Variants in ARMCX4 observed in about 807,000 individuals in gnomAD.
ARMCX4 encodes armadillo repeat-containing X-linked protein 4.
In ARMCX4, 3 loss-of-function variants were observed where a neutral mutation model predicts 34.7. The ratio of observed to expected loss-of-function variants is 0.09; its 90% CI spans 0.04 to 0.22. The LOEUF (loss-of-function observed/expected upper bound fraction) is 0.22. Among genes scored for constraint, ARMCX4 ranks in the 10% least tolerant of loss-of-function variants. The pLI is 1.00. For synonymous variants in ARMCX4, 513 were observed against 632.8 expected (o/e 0.81, Z 2.84); for missense variants, 1,448 against 1,720.8 (o/e 0.84, Z 2.81).
At chrX:101,529,626 C>T (rs1481199321) in intron 11 of ARMCX4, among the ~76,000 whole-genome samples, 3 of 111,994 alleles carry the variant, frequency 2.7e-5, no homozygotes, top group Non-Finnish European at 5.6e-5. Context: ...AGAACTTAAA[C>T]AAATTTACAA....
chrX:101,460,030 T>A (rs1417430879), intron 4 of ARMCX4, among the ~76,000 whole-genome samples: 1 of 112,783 alleles, frequency 8.9e-6, no homozygotes, highest in East Asian at 2.8e-4. Flanking sequence ...TCCCAGGTAA[T>A]GCTGATGCTA....
chrX:101,429,771 C>T (rs782536420), intron 2 of ARMCX4, among the ~76,000 whole-genome samples: 1 of 111,672 alleles, frequency 9.0e-6, no homozygotes, highest in African/African-American at 3.2e-5. Context: ...TGACATCTAG[C>T]CCTGCTCCAT....
chrX:101,484,402 G>A (rs1395108712), upstream of ARMCX4, among the ~76,000 whole-genome samples: 3 of 112,175 alleles, frequency 2.7e-5, no homozygotes, highest in African/African-American at 9.7e-5. Context: ...ACATGCTTAT[G>A]TAAAATCCAA....
At chrX:101,534,155 A>G (rs1476406224), downstream of ARMCX4, among the ~76,000 whole-genome samples, 1 of 112,135 alleles carries the variant, frequency 8.9e-6, no homozygotes, top group Admixed American at 9.5e-5. Flanking sequence ...TTCAGTAAAT[A>G]TGGATTGATA....
intron 4 of ARMCX4, among the ~76,000 whole-genome samples, chrX:101,465,255 G>A (rs963591829): frequency 9.0e-6 from 1 of 110,979 alleles, no homozygotes; most frequent in South Asian, 3.8e-4. Flanking sequence ...CACAAAATCA[G>A]AATGTATTAA....
At chrX:101,459,217 C>T (rs919812713) in intron 4 of ARMCX4, among the ~76,000 whole-genome samples, 2 of 112,202 alleles carry the variant, frequency 1.8e-5, no homozygotes, top group African/African-American at 3.2e-5. Flanking sequence ...TATCCTTTTA[C>T]TTTGCCTTTT....
At chrX:101,523,177 C>A (rs1194994669) in intron 11 of ARMCX4, among the ~76,000 whole-genome samples, 1 of 111,785 alleles carries the variant, frequency 8.9e-6, no homozygotes, top group Non-Finnish European at 1.9e-5. Flanking sequence ...AACTTCTGAG[C>A]AAATACTGAC....
In ARMCX4 at chrX:101,488,754, C is replaced by T. The variant is rs940661052; in HGVS notation, c.165C>T (p.Ser55=). The change falls in exon 6 of 6, where the codon AGC becomes AGT. Residue 55 remains serine, a synonymous_variant. Transcript: ENST00000423738. ...TGGAGACTGTGGTTGGGGTACAGAG[C>T]CAGACCTTGGCCATAAATGAAGCAG... ...VKMETVVGVQ[S]QTLAINEAEI... 1 of 1,155,512 alleles carries T rather than the reference C, an allele frequency of 8.7e-7. No homozygotes were observed. Among genetic ancestry groups the T allele is most frequent in the Non-Finnish European group, 1.1e-6 (1 of 872,502 alleles).
At chrX:101,447,072 T>C (rs1013858908), downstream of ARMCX4, among the ~76,000 whole-genome samples, 8 of 112,005 alleles carry the variant, frequency 7.1e-5, no homozygotes, top group Non-Finnish European at 1.5e-4. Flanking sequence ...ATCATGTGGG[T>C]CTCTTTACAG....
At chrX:101,462,832 C>A (rs1469827948) in intron 4 of ARMCX4, among the ~76,000 whole-genome samples, 1 of 111,217 alleles carries the variant, frequency 9.0e-6, no homozygotes, top group East Asian at 2.8e-4. Flanking sequence ...AACTTCTTCA[C>A]CCCAAATAAT....
rs782407203 is a variant in ARMCX4 at position 101,423,662 on chromosome X, T to A, written n.164+4662T>A. On this transcript the variant is annotated intron_variant and non_coding_transcript_variant, in intron 2 of 3. Transcript: ENST00000430461. ...TAAAAATAAAAAAGTATCTTTTGCA[T>A]GCTAATGAGATAACTGGTGGCTGAG... is the stretch of plus-strand genomic sequence containing the variant. Among the ~76,000 whole-genome samples, 3 of 110,267 alleles carry A rather than the reference T, an allele frequency of 2.7e-5. No individual in the cohort carries two copies. The South Asian group carries it at 1.2e-3, about 43-fold the overall frequency.
At chrX:101,466,259 T>G (rs1034205479) in intron 4 of ARMCX4, among the ~76,000 whole-genome samples, 4 of 112,172 alleles carry the variant, frequency 3.6e-5, no homozygotes, top group African/African-American at 6.5e-5. Flanking sequence ...CATGTCAGAA[T>G]TGGAGCAACT....
Position 101,493,253 on chromosome X carries a change from G to A in ARMCX4, c.4664G>A (p.Ser1555Asn). The A allele has an allele frequency of 8.7e-7, 1 of 1,154,357 alleles. No homozygotes were observed. Residue 1555 changes from serine (S) to asparagine (N), a missense_variant, in exon 6 of 6, where the codon AGT becomes AAT. Transcript: ENST00000423738. ...GSWDSPGSQV[S>N]GSCWTGAGAV... ...TGGGATAGCCCTGGGAGTCAGGTCAGTGGAAGCTGCTGGACTGGGGCTGGG... is the reference window on the plus strand; with the variant it reads ...TGGGATAGCCCTGGGAGTCAGGTCAATGGAAGCTGCTGGACTGGGGCTGGG...
intron 2 of ARMCX4, among the ~76,000 whole-genome samples, chrX:101,435,433 CTT>C (rs1199677887): frequency 1.8e-5 from 2 of 111,416 alleles, no homozygotes; most frequent in Admixed American, 9.6e-5. Context: ...GCATAAATGT[CTT>C]CTTTTGAGAA....
At chrX:101,475,766 C>T (rs1478288902) in intron 4 of ARMCX4, among the ~76,000 whole-genome samples, 2 of 111,372 alleles carry the variant, frequency 1.8e-5, no homozygotes, top group South Asian at 3.8e-4. Context: ...CACAGAAGGA[C>T]GCTTATTATT....
intron 7 of ARMCX4, among the ~76,000 whole-genome samples, chrX:101,502,349 C>T (rs1419757241): frequency 8.9e-6 from 1 of 112,331 alleles, no homozygotes; most frequent in Non-Finnish European, 1.9e-5. Context: ...CAAGTATCCT[C>T]CCACCTCAGC....
At chrX:101,528,570 A>G (rs1935039856) in intron 11 of ARMCX4, among the ~76,000 whole-genome samples, 1 of 111,846 alleles carries the variant, frequency 8.9e-6, no homozygotes, top group Non-Finnish European at 1.9e-5. Flanking sequence ...ACATGATTGT[A>G]TATTTAGAAA....
At chrX:101,525,522 T>G (rs1374993028) in intron 11 of ARMCX4, among the ~76,000 whole-genome samples, 1 of 111,779 alleles carries the variant, frequency 8.9e-6, no homozygotes, top group Non-Finnish European at 1.9e-5. Flanking sequence ...CAAACTTCTC[T>G]GAGCTAAAGG....
Position 101,491,472 on chromosome X carries a change from G to T in ARMCX4, c.2883G>T (p.Leu961Phe). The T allele has an allele frequency of 8.6e-7, 1 of 1,156,507 alleles. No homozygotes were observed. The highest frequency in any genetic ancestry group is 1.1e-6 in the Non-Finnish European group (1 of 873,091). The change falls in exon 6 of 6, where the codon TTG becomes TTT. Residue 961 changes from leucine to phenylalanine, a missense_variant. Physicochemically the swap from Leu to Phe is conservative, Grantham distance 22. Coordinates refer to ENST00000423738, the MANE Select transcript of ARMCX4 (RefSeq NM_001256155.3). ...QVVASFQGEV[L>F]PGAKNKVRGN... ...TGGCCAGTTTTCAGGGTGAGGTCTT[G>T]CCTGGGGCCAAAAATAAGGTCAGGG...
Sources: allele counts gnomAD v4.1 joint callset (sites outside exome capture counted in the v4.1 genomes callset), GRCh38; gene constraint gnomAD v4.1.1; transcripts MANE v1.5; gene names NCBI Gene and HGNC (gene_info 2026-07-23, HGNC 2026-07-21).